The following HS6ST1 variants were observed in gnomAD, a reference collection of about 807,000 sequenced individuals.
The protein encoded by HS6ST1 is heparan sulfate 6-O-sulfotransferase 1, also known as heparan-sulfate 6-O-sulfotransferase 1.
Under a neutral mutation model 25.2 loss-of-function variants are expected in HS6ST1, and 3 were observed. That is an observed-to-expected ratio of 0.12 (90% CI 0.05 to 0.31). The LOEUF (loss-of-function observed/expected upper bound fraction) is 0.31, where lower values mean the gene tolerates loss of function less well. Ranked by LOEUF, HS6ST1 falls within the 10% of genes least tolerant of loss-of-function variation. The probability of loss-of-function intolerance (pLI) is 1.00; values close to 1 mark genes in which losing one functional copy is unlikely to be tolerated. For synonymous variants in HS6ST1, 204 were observed against 275.1 expected (o/e 0.74, Z 2.56); for missense variants, 310 against 609.6 (o/e 0.51, Z 5.18).
chr2:128,311,322 G>A (rs1363201456), intron 1 of HS6ST1, among the ~76,000 whole-genome samples: 2 of 152,198 alleles, frequency 1.3e-5, no homozygotes, highest in Non-Finnish European at 2.9e-5. Context: ...GCAGGTGCCA[G>A]TGAGTGTCCA....
In HS6ST1 at chr2:128,306,775, G is replaced by A. The variant is rs141613512; in HGVS notation, c.527+11262C>T. Among the ~76,000 whole-genome samples the A allele has an allele frequency of 2.4e-3, 370 of 152,230 alleles. 1 individual carries two copies. Among genetic ancestry groups the A allele is most frequent in the African/African-American group, 8.3e-3 (345 of 41,518 alleles). On this transcript the variant is annotated intron_variant, in intron 1 of 1. Coordinates refer to ENST00000259241, the MANE Select transcript of HS6ST1 (RefSeq NM_004807.3). ...CCCATGCTCCTTTCTGAGGGGGTGC[G>A]AAAAGCTTTATCCATACAGCAGTGC...
chr2:128,316,307 G>A (rs1002432644), intron 1 of HS6ST1, among the ~76,000 whole-genome samples: 17 of 152,254 alleles, frequency 1.1e-4, no homozygotes, highest in African/African-American at 3.9e-4. Context: ...GCTTCTTGGC[G>A]GCCCGAAGCT....
At chr2:128,304,519 C>T (rs1452600599) in intron 1 of HS6ST1, among the ~76,000 whole-genome samples, 1 of 152,252 alleles carries the variant, frequency 6.6e-6, no homozygotes, top group African/African-American at 2.4e-5. Flanking sequence ...CCTGGCATCC[C>T]TCGGAGGCTG....
At chr2:128,309,153 G>A (rs1187792660) in intron 1 of HS6ST1, among the ~76,000 whole-genome samples, 9 of 152,204 alleles carry the variant, frequency 5.9e-5, no homozygotes, top group Non-Finnish European at 7.3e-5. Flanking sequence ...TCCCAGCCCC[G>A]AGGTGGGTCT....
intron 1 of HS6ST1, among the ~76,000 whole-genome samples, chr2:128,298,171 T>C (rs1335595469): frequency 6.6e-6 from 1 of 151,540 alleles, no homozygotes. Flanking sequence ...CAGGAAGAAA[T>C]GTTAGCAAGG....
Position 128,268,127 on chromosome 2 carries a change from C to G in HS6ST1, c.*35G>C. On this transcript the variant is annotated 3_prime_UTR_variant, in exon 2 of 2. Transcript: ENST00000259241. ...CGTCTGTCCTGTTTTATCCCCCACACCCCCCAAGAGGCCTCCCCGTGGCCA... is the reference window on the plus strand; with the variant it reads ...CGTCTGTCCTGTTTTATCCCCCACAGCCCCCAAGAGGCCTCCCCGTGGCCA... 2 of 1,482,828 alleles carry G rather than the reference C, an allele frequency of 1.3e-6. No homozygotes were observed. The allele number at this position is 1,482,828 out of a possible 1,614,324, so 91.9% of individuals were successfully genotyped here. A position where few individuals can be genotyped will look rare whatever the true frequency, so the allele number is the denominator to read the frequency against.
At chr2:128,295,583 ACT>A in intron 1 of HS6ST1, among the ~76,000 whole-genome samples, 1 of 152,358 alleles carries the variant, frequency 6.6e-6, no homozygotes, top group South Asian at 2.1e-4. Context: ...AAAATTACAC[ACT>A]GATGTCCTTT....
chr2:128,316,969 C>T (rs181463063), intron 1 of HS6ST1, among the ~76,000 whole-genome samples: 2 of 152,278 alleles, frequency 1.3e-5, no homozygotes, highest in East Asian at 1.9e-4. Flanking sequence ...CCTCCTACCA[C>T]CAGCCTGTCT....
rs1364677374 is a variant in HS6ST1, at chr2:128,288,170, G to C, written c.528-19300C>G. 2.6e-5 allele frequency among the ~76,000 whole-genome samples: 4 copies of C among 152,300 alleles called. No homozygotes were observed. In the East Asian group the frequency reaches 7.7e-4, roughly 29 times the overall value. ...CTGGGGCTCACTCCTTCTGCTTCTA[G>C]GCCTTTTGCTGAGGCTATTGCGAGG... On this transcript the variant is annotated intron_variant, in intron 1 of 1. Coordinates refer to ENST00000259241, the MANE Select transcript of HS6ST1 (RefSeq NM_004807.3).
rs949172140 is a variant in HS6ST1, at chr2:128,280,338, G to C, written c.528-11468C>G. Among the ~76,000 whole-genome samples, 3 of 152,242 alleles carry C rather than the reference G, an allele frequency of 2.0e-5. 1 individual carries two copies. The East Asian group carries it at 5.8e-4, about 29-fold the overall frequency. The stretch of plus-strand genomic sequence containing the variant: ...TCTCCAGGGCCACAAGGCCGGGCTG[G>C]CTGTCCATGGTGTCATTCCTTCTGA... On this transcript the variant is annotated intron_variant, in intron 1 of 1. Transcript: ENST00000259241.
chr2:128,317,688 C>A (rs946097804), intron 1 of HS6ST1, among the ~76,000 whole-genome samples: 111 of 152,394 alleles, frequency 7.3e-4, no homozygotes, highest in African/African-American at 2.6e-3. Context: ...CCCGCGTCCC[C>A]AAGTCCGGCG....
intron 1 of HS6ST1, among the ~76,000 whole-genome samples, chr2:128,306,908 A>G (rs1484860847): frequency 6.6e-6 from 1 of 152,044 alleles, no homozygotes; most frequent in Non-Finnish European, 1.5e-5. Flanking sequence ...CAGTGTCGTC[A>G]CTGTCATGGG....
chr2:128,303,069 C>T (rs528507379), intron 1 of HS6ST1, among the ~76,000 whole-genome samples: 3 of 152,378 alleles, frequency 2.0e-5, no homozygotes, highest in East Asian at 1.9e-4. Context: ...CCCACACATC[C>T]GACCTGCTGC....
In HS6ST1 at chr2:128,267,273, G is replaced by A. The variant is rs1334382316; in HGVS notation, c.*889C>T. 4 of 152,086 alleles carry A rather than the reference G, an allele frequency of 2.6e-5. No individual in the cohort carries two copies. Among genetic ancestry groups the A allele is most frequent in the Non-Finnish European group, 5.9e-5 (4 of 68,004 alleles). The allele number at this position is 152,086 out of a possible 1,614,324, so 9.4% of individuals were successfully genotyped here. ...GTCAGAAAGGAGAACAGAGGCAGGGGAGCCCTCGGTCCCCAGCCCTTCCAG... is the reference window on the plus strand; with the variant it reads ...GTCAGAAAGGAGAACAGAGGCAGGGAAGCCCTCGGTCCCCAGCCCTTCCAG... On this transcript the variant is annotated 3_prime_UTR_variant, in exon 2 of 2. Transcript: ENST00000259241.
intron 1 of HS6ST1, among the ~76,000 whole-genome samples, chr2:128,274,742 C>G (rs141598548): frequency 6.6e-6 from 1 of 151,936 alleles, no homozygotes; most frequent in South Asian, 2.1e-4. Context: ...TTTGGGAGGC[C>G]GAGGTGGGTG....
chr2:128,271,258 G>C (rs1008792579), intron 1 of HS6ST1, among the ~76,000 whole-genome samples: 1 of 152,260 alleles, frequency 6.6e-6, no homozygotes, highest in Non-Finnish European at 1.5e-5. Flanking sequence ...CCATGGTGTA[G>C]CCTGTGCCTG....
chr2:128,287,958 C>A (rs1400273395), intron 1 of HS6ST1, among the ~76,000 whole-genome samples: 2 of 152,252 alleles, frequency 1.3e-5, no homozygotes, highest in Non-Finnish European at 1.5e-5. Context: ...GCTTCTGACA[C>A]CGGCAGGCGA....
At chr2:128,302,918 C>A (rs1299572953) in intron 1 of HS6ST1, among the ~76,000 whole-genome samples, 1 of 152,220 alleles carries the variant, frequency 6.6e-6, no homozygotes, top group Admixed American at 6.5e-5. Flanking sequence ...TCTTCTCCCC[C>A]GACGGCCTGC....
At chr2:128,269,016 T>C (rs1478416267) in intron 1 of HS6ST1, 146 bp from the exon 2 acceptor site, 4 of 700,322 alleles carry the variant, frequency 5.7e-6, no homozygotes, top group Non-Finnish European at 1.0e-5. Flanking sequence ...CTCAGTCGTT[T>C]CAAAACCCGG....
Sources: allele counts gnomAD v4.1 joint callset (sites outside exome capture counted in the v4.1 genomes callset), GRCh38; gene constraint gnomAD v4.1.1; transcripts MANE v1.5; gene names NCBI Gene and HGNC (gene_info 2026-07-23, HGNC 2026-07-21).